The following RIT2 variants were observed in gnomAD, a reference collection of about 807,000 sequenced individuals.
RIT2 encodes the protein Ras like without CAAX 2, also known as GTP-binding protein Rit2.
Under a neutral mutation model 23.7 loss-of-function variants are expected in RIT2, and 24 were observed. That is an observed-to-expected ratio of 1.01 (90% CI 0.73 to 1.43). RIT2 has a LOEUF of 1.43. RIT2 is among the 40% of genes most tolerant of loss of function. The probability of loss-of-function intolerance (pLI) is 0.00; values close to 1 mark genes in which losing one functional copy is unlikely to be tolerated. For missense variants in RIT2, 236 were observed against 266.9 expected, an observed-to-expected ratio of 0.88 and a Z score of 0.81; for synonymous variants, 107 against 91.1, an observed-to-expected ratio of 1.17 and a Z score of -0.99.
At chr18:43,036,833 C>T (rs1355202873) in intron 1 of RIT2, among the ~76,000 whole-genome samples, 6 of 152,098 alleles carry the variant, frequency 3.9e-5, no homozygotes, top group Admixed American at 1.3e-4. Flanking sequence ...ACAGGCATTT[C>T]CATTTGGGGG....
chr18:42,966,337 A>G (rs1176527904), intron 3 of RIT2, among the ~76,000 whole-genome samples: 2 of 152,176 alleles, frequency 1.3e-5, no homozygotes, highest in Admixed American at 1.3e-4. Flanking sequence ...ATGTTGAGAG[A>G]TAATTGAATG....
At chr18:43,027,716 G>A (rs1329340705) in intron 2 of RIT2, among the ~76,000 whole-genome samples, 3 of 152,058 alleles carry the variant, frequency 2.0e-5, no homozygotes, top group African/African-American at 4.8e-5. Context: ...TGTATCCAGA[G>A]CACCATTAAA....
chr18:42,931,109 G>T (rs914428836), intron 3 of RIT2, among the ~76,000 whole-genome samples: 1 of 151,956 alleles, frequency 6.6e-6, no homozygotes. Context: ...ACCTACCTGA[G>T]CATCATATTC....
At chr18:42,893,411 C>T (rs1908236177) in intron 4 of RIT2, among the ~76,000 whole-genome samples, 1 of 152,076 alleles carries the variant, frequency 6.6e-6, no homozygotes, top group Non-Finnish European at 1.5e-5. Context: ...TCCCAGATGC[C>T]ACCTTCTTGC....
chr18:43,026,998 A>G (rs1911748117), intron 2 of RIT2, among the ~76,000 whole-genome samples: 1 of 152,182 alleles, frequency 6.6e-6, no homozygotes, highest in Non-Finnish European at 1.5e-5. Flanking sequence ...TACAGAAGTT[A>G]GAGGGAAATC....
intron 4 of RIT2, among the ~76,000 whole-genome samples, chr18:42,880,549 T>A (rs1907860978): frequency 6.6e-6 from 1 of 152,160 alleles, no homozygotes; most frequent in Non-Finnish European, 1.5e-5. Flanking sequence ...TCTTATCTTT[T>A]ACGTATGTAA....
chr18:42,743,450 C>G lies in RIT2; in HGVS notation c.*43G>C, dbSNP rs765941930. On this transcript the variant is annotated 3_prime_UTR_variant, in exon 5 of 5. Coordinates refer to ENST00000326695, the MANE Select transcript of RIT2 (RefSeq NM_002930.4). ...GAATGCTACATATGGAATTGTCCAA[C>G]TAATAAAATTCAGAGAGCGTGAGGA... The G allele has an allele frequency of 2.2e-6, 3 of 1,360,878 alleles. No individual in the cohort carries two copies. In the East Asian group the frequency reaches 6.9e-5, roughly 31 times the overall value. 84.3% of individuals were successfully genotyped at this position (1,360,878 alleles called of 1,614,324 possible).
chr18:43,001,848 G>A (rs183849742), intron 2 of RIT2, among the ~76,000 whole-genome samples: 51 of 152,056 alleles, frequency 3.4e-4, no homozygotes, highest in South Asian at 1.2e-3. Flanking sequence ...TTTTGGAGTA[G>A]CACAATTAAG....
intron 4 of RIT2, among the ~76,000 whole-genome samples, chr18:42,822,345 G>C (rs1906175826): frequency 6.6e-6 from 1 of 152,048 alleles, no homozygotes; most frequent in Non-Finnish European, 1.5e-5. Flanking sequence ...ATAAAACTTG[G>C]GATCCAAAAT....
chr18:42,766,362 C>T (rs1466140379), intron 4 of RIT2, among the ~76,000 whole-genome samples: 2 of 152,150 alleles, frequency 1.3e-5, no homozygotes, highest in African/African-American at 2.4e-5. Context: ...GTAAAGGTGA[C>T]TCTTCCTATG....
At chr18:42,825,568 A>C (rs1337719991) in intron 4 of RIT2, among the ~76,000 whole-genome samples, 2 of 151,896 alleles carry the variant, frequency 1.3e-5, no homozygotes. Context: ...ACTATAGCAC[A>C]ATTTTACTTA....
chr18:43,091,616 C>T (rs1913425389), intron 1 of RIT2, among the ~76,000 whole-genome samples: 1 of 152,018 alleles, frequency 6.6e-6, no homozygotes, highest in South Asian at 2.1e-4. Flanking sequence ...GCCACATGTG[C>T]CTCAGATTCC....
chr18:42,886,914 C>G (rs1185869917), intron 4 of RIT2, among the ~76,000 whole-genome samples: 1 of 152,094 alleles, frequency 6.6e-6, no homozygotes, highest in African/African-American at 2.4e-5. Context: ...GACCACAATG[C>G]TACTTTCATT....
intron 4 of RIT2, among the ~76,000 whole-genome samples, chr18:42,836,292 C>T (rs1006138436): frequency 2.0e-5 from 3 of 151,976 alleles, no homozygotes; most frequent in Admixed American, 1.3e-4. Flanking sequence ...ACAATAGATT[C>T]CGTATCTATT....
intron 4 of RIT2, among the ~76,000 whole-genome samples, chr18:42,748,273 C>T (rs1912966217): frequency 6.6e-6 from 1 of 151,844 alleles, no homozygotes; most frequent in African/African-American, 2.4e-5. Flanking sequence ...AAAAAGTGGG[C>T]TAAGGACCTG....
At chr18:42,956,617 C>T (rs2144180298) in intron 3 of RIT2, among the ~76,000 whole-genome samples, 1 of 152,174 alleles carries the variant, frequency 6.6e-6, no homozygotes, top group African/African-American at 2.4e-5. Context: ...GGTCAAATTG[C>T]CTGTTTTAAT....
chr18:42,946,612 TAAG>T (rs749026554), intron 3 of RIT2, among the ~76,000 whole-genome samples: 4 of 152,060 alleles, frequency 2.6e-5, no homozygotes, highest in Non-Finnish European at 5.9e-5. Flanking sequence ...CTAAACTTTG[TAAG>T]AAGTTCTATT....
chr18:43,105,429 C>A (rs4890246), intron 1 of RIT2, among the ~76,000 whole-genome samples: 1 of 67,940 alleles, frequency 1.5e-5, no homozygotes, highest in Non-Finnish European at 2.7e-5. Context: ...TAGGTGGAGG[C>A]ATGGAAGGAA....
intron 4 of RIT2, among the ~76,000 whole-genome samples, chr18:42,896,986 G>A (rs933386651): frequency 8.5e-5 from 13 of 152,208 alleles, no homozygotes; most frequent in Middle Eastern, 3.4e-3. Context: ...TTTAAATGAC[G>A]CAGTCCTCTT....
Sources: allele counts gnomAD v4.1 joint callset (sites outside exome capture counted in the v4.1 genomes callset), GRCh38; gene constraint gnomAD v4.1.1; transcripts MANE v1.5; gene names NCBI Gene and HGNC (gene_info 2026-07-23, HGNC 2026-07-21).